The following SYNPR variants were observed in gnomAD, a reference collection of about 807,000 sequenced individuals.
SYNPR encodes the protein synaptoporin.
A neutral mutation model predicts 32.9 loss-of-function variants in SYNPR; 23 were observed. That is an observed-to-expected ratio of 0.70 (90% CI 0.50 to 0.99). SYNPR has a LOEUF of 0.99. Ranked by LOEUF, SYNPR falls within the 50% of genes least tolerant of loss-of-function variation. The pLI, the probability that SYNPR is intolerant of heterozygous loss-of-function variation, is 0.00. For synonymous variants in SYNPR, 146 were observed against 135.9 expected, an observed-to-expected ratio of 1.07 and a Z score of -0.52; for missense variants, 318 against 349.3, an observed-to-expected ratio of 0.91 and a Z score of 0.71.
At chr3:63,372,755 A>C (rs1350997112) in intron 2 of SYNPR, among the ~76,000 whole-genome samples, 1 of 152,142 alleles carries the variant, frequency 6.6e-6, no homozygotes, top group Non-Finnish European at 1.5e-5. Flanking sequence ...ATAAAGCCTG[A>C]GCTCGCCCCA....
At chr3:63,416,284 A>C (rs1195612164) in intron 2 of SYNPR, among the ~76,000 whole-genome samples, 1 of 152,196 alleles carries the variant, frequency 6.6e-6, no homozygotes, top group Non-Finnish European at 1.5e-5. Flanking sequence ...TAATCCCAGC[A>C]CTTTGGGAGG....
At chr3:63,206,565 AAAAAG>A in the SYNPR span, among the ~76,000 whole-genome samples, 2 of 152,208 alleles carry the variant, frequency 1.3e-5, no homozygotes, top group East Asian at 1.9e-4. Context: ...TGTCTCAAAA[AAAAAG>A]AAAAGAAAAG....
chr3:63,430,341 A>T (rs1324858096), intron 2 of SYNPR, among the ~76,000 whole-genome samples: 1 of 150,256 alleles, frequency 6.7e-6, no homozygotes, highest in African/African-American at 2.5e-5. Context: ...ATTTTCATTC[A>T]TTCACTCCTA....
At chr3:63,524,216 T>C (rs115785131) in intron 3 of SYNPR, among the ~76,000 whole-genome samples, 3,084 of 151,956 alleles carry the variant, frequency 0.02, 112 homozygotes, top group African/African-American at 0.07. Context: ...TCAAAAACCA[T>C]ACAAAAAAGG....
At chr3:63,257,425 A>G (rs2086394799) in intron 2 of SYNPR, among the ~76,000 whole-genome samples, 1 of 152,196 alleles carries the variant, frequency 6.6e-6, no homozygotes, top group Non-Finnish European at 1.5e-5. Context: ...AACATTCTTA[A>G]AGAAAAGAAT....
In SYNPR at chr3:63,261,967, T is replaced by C. The variant is rs1474704314; in HGVS notation, n.155-5350T>C. ...GGGTGCAGCATACCAACATGGCACA[T>C]GTATACATATGTAACAAACTTGCAC... On this transcript the variant is annotated intron_variant and non_coding_transcript_variant, in intron 2 of 4. Transcript: ENST00000478456. Among the ~76,000 whole-genome samples, 9 of 152,158 alleles carry C rather than the reference T, an allele frequency of 5.9e-5. No homozygotes were observed. The South Asian group carries it at 6.2e-4, about 11-fold the overall frequency.
At chr3:63,320,668 T>C (rs971826545) in intron 2 of SYNPR, among the ~76,000 whole-genome samples, 1 of 152,078 alleles carries the variant, frequency 6.6e-6, no homozygotes, top group Non-Finnish European at 1.5e-5. Flanking sequence ...GAATAAACTT[T>C]TATTAACTCA....
At chr3:63,523,446 T>G (rs1452038943) in intron 3 of SYNPR, among the ~76,000 whole-genome samples, 2 of 152,104 alleles carry the variant, frequency 1.3e-5, no homozygotes, top group Non-Finnish European at 2.9e-5. Context: ...CACAGCCCCA[T>G]CAGCTCTCTC....
intron 4 of SYNPR, among the ~76,000 whole-genome samples, chr3:63,594,740 A>G (rs1195804424): frequency 1.3e-5 from 2 of 152,312 alleles, no homozygotes; most frequent in East Asian, 1.9e-4. Context: ...TACCAACACC[A>G]CCATTAACAC....
At chr3:63,373,155 C>G (rs1468253845) in intron 2 of SYNPR, among the ~76,000 whole-genome samples, 1 of 152,118 alleles carries the variant, frequency 6.6e-6, no homozygotes, top group Non-Finnish European at 1.5e-5. Flanking sequence ...ACTCTGGCAG[C>G]TCAAAAAGCC....
chr3:63,587,149 A>G (rs991192192), intron 4 of SYNPR, among the ~76,000 whole-genome samples: 1 of 152,094 alleles, frequency 6.6e-6, no homozygotes, highest in Admixed American at 6.6e-5. Flanking sequence ...GAGTTATTTC[A>G]GTTGAATTCA....
chr3:63,465,075 G>C (rs7618233), intron 2 of SYNPR, among the ~76,000 whole-genome samples: 1,879 of 152,164 alleles, frequency 0.012, 50 homozygotes, highest in African/African-American at 0.04. Context: ...ACATTTTATT[G>C]CCTCTTAGAT....
chr3:63,522,472 CA>C (rs1364290788), intron 3 of SYNPR, among the ~76,000 whole-genome samples: 3 of 152,200 alleles, frequency 2.0e-5, no homozygotes, highest in Non-Finnish European at 4.4e-5. Context: ...AAAGCAAAGC[CA>C]ATGAAACTAC....
chr3:63,457,803 C>A (rs1015559144), intron 2 of SYNPR, among the ~76,000 whole-genome samples: 1 of 152,034 alleles, frequency 6.6e-6, no homozygotes, highest in Non-Finnish European at 1.5e-5. Context: ...AGGGAGAAGA[C>A]CCTACTGCTT....
intron 3 of SYNPR, among the ~76,000 whole-genome samples, chr3:63,538,168 G>T (rs1309460039): frequency 2.6e-5 from 4 of 152,004 alleles, no homozygotes; most frequent in African/African-American, 9.7e-5. Flanking sequence ...CTTTTTTGAT[G>T]CACAAATCCA....
chr3:63,579,863 G>C (rs971602982), intron 4 of SYNPR, among the ~76,000 whole-genome samples: 5 of 151,092 alleles, frequency 3.3e-5, no homozygotes, highest in African/African-American at 1.2e-4. Flanking sequence ...GTCATTTTAA[G>C]AAAGAACACT....
At chr3:63,564,227 C>G (rs1266559562) in intron 4 of SYNPR, among the ~76,000 whole-genome samples, 2 of 142,732 alleles carry the variant, frequency 1.4e-5, no homozygotes, top group Non-Finnish European at 3.0e-5. Flanking sequence ...GAGTCTTGCT[C>G]TGTCATCCAG....
At chr3:63,466,787 G>T (rs941298836) in intron 2 of SYNPR, among the ~76,000 whole-genome samples, 13 of 134,380 alleles carry the variant, frequency 9.7e-5, no homozygotes, top group Non-Finnish European at 1.5e-4. Context: ...TTCTTATAAG[G>T]GCACTAATCC....
At chr3:63,387,264 A>G (rs868294179) in intron 2 of SYNPR, among the ~76,000 whole-genome samples, 23 of 152,280 alleles carry the variant, frequency 1.5e-4, no homozygotes, top group African/African-American at 5.3e-4. Flanking sequence ...TTTTCTTTCA[A>G]TCACTCTATT....
Sources: allele counts gnomAD v4.1 joint callset (sites outside exome capture counted in the v4.1 genomes callset), GRCh38; gene constraint gnomAD v4.1.1; transcripts MANE v1.5; gene names NCBI Gene and HGNC (gene_info 2026-07-23, HGNC 2026-07-21).